ZKSCAN1: variants seen among roughly 807,000 people sequenced by gnomAD.
ZKSCAN1 encodes zinc finger with KRAB and SCAN domains 1, also known as zinc finger protein with KRAB and SCAN domains 1.
Under a neutral mutation model 51.6 loss-of-function variants are expected in ZKSCAN1, and 14 were observed. That is an observed-to-expected ratio of 0.27 (90% CI 0.18 to 0.42). The LOEUF (loss-of-function observed/expected upper bound fraction) is 0.42, where lower values mean the gene tolerates loss of function less well. ZKSCAN1 is among the 10% of genes least tolerant of loss of function. The probability of loss-of-function intolerance (pLI) is 1.00; values close to 1 mark genes in which losing one functional copy is unlikely to be tolerated. For missense variants in ZKSCAN1, 531 were observed against 710.0 expected (o/e 0.75, Z 2.86); for synonymous variants, 263 against 261.5 (o/e 1.01, Z -0.06).
chr7:100,034,038 C>T lies in ZKSCAN1; in HGVS notation c.1533C>T (p.His511=). 1 of 1,614,214 alleles carries T rather than the reference C, an allele frequency of 6.2e-7. No homozygotes were observed. The highest frequency in any genetic ancestry group is 8.5e-7 in the Non-Finnish European group (1 of 1,180,044). ...NSYLILHRRI[H]TREKPYKCTK... is the part of the protein sequence containing the mutation. ...ACCTGATTTTGCATCGGAGAATTCACACTCGAGAAAAGCCCTACAAGTGCA... is the reference window on the plus strand; with the variant it reads ...ACCTGATTTTGCATCGGAGAATTCATACTCGAGAAAAGCCCTACAAGTGCA... Residue 511 remains histidine (H), a synonymous_variant, in exon 6 of 6, where the codon CAC becomes CAT. Transcript: ENST00000324306.
At position 100,029,851 on chromosome 7, in the gene ZKSCAN1, CCT is replaced by C; in HGVS notation, c.581-8_581-7del. 1 of 1,613,614 alleles carries C rather than the reference CCT, an allele frequency of 6.2e-7. No individual in the cohort carries two copies. The highest frequency in any genetic ancestry group is 8.5e-7 in the Non-Finnish European group (1 of 1,179,678). On this transcript the variant is annotated splice_region_variant and splice_polypyrimidine_tract_variant and intron_variant, in intron 3 of 5. Coordinates refer to ENST00000324306, the MANE Select transcript of ZKSCAN1 (RefSeq NM_003439.4). Reference sequence around the variant, plus strand: ...GCTGATTTACTCACAGACCCTTTCTCCTCCCCCAGCTCTTCCTGCTGCCCACA... The same window carrying C: ...GCTGATTTACTCACAGACCCTTTCTCCCCCCAGCTCTTCCTGCTGCCCACA...
chr7:100,035,320 C>G lies in ZKSCAN1; in HGVS notation c.*1123C>G, dbSNP rs1791308429. 1 of 152,336 alleles carries G rather than the reference C, an allele frequency of 6.6e-6. No homozygotes were observed. Among genetic ancestry groups the G allele is most frequent in the South Asian group, 2.1e-4 (1 of 4,828 alleles). 9.4% of individuals were successfully genotyped at this position (152,336 alleles called of 1,614,324 possible). ...TAAACGAAAGGCACTAGTCAGCCGC[C>G]TGCATAGACTTTCTAAACAGTGAGT... On this transcript the variant is annotated 3_prime_UTR_variant, in exon 6 of 6. Transcript: ENST00000324306.
rs187938884 is a variant in ZKSCAN1, at chr7:100,025,283, C to G, written c.580+976C>G. Among the ~76,000 whole-genome samples the G allele has an allele frequency of 9.4e-4, 140 of 148,656 alleles. 1 individual carries two copies. The highest frequency in any genetic ancestry group is 3.2e-3 in the African/African-American group (130 of 40,434). The stretch of plus-strand genomic sequence containing the variant: ...TATTTAAAATATATAAAAATAATCA[C>G]TGCACTGCAGCCTGGGTGACAGAGA... On this transcript the variant is annotated intron_variant, in intron 3 of 5. Transcript: ENST00000324306.
At chr7:100,017,486 G>T (rs1355062862) in intron 1 of ZKSCAN1, among the ~76,000 whole-genome samples, 1 of 152,226 alleles carries the variant, frequency 6.6e-6, no homozygotes, top group Non-Finnish European at 1.5e-5. Flanking sequence ...GCCTCCCAAA[G>T]TGCTGGGATT....
chr7:100,032,326 G>C (rs1791141446), intron 5 of ZKSCAN1, among the ~76,000 whole-genome samples: 1 of 152,180 alleles, frequency 6.6e-6, no homozygotes, highest in African/African-American at 2.4e-5. Context: ...GACCTCTGAA[G>C]GCTCCTGCTT....
rs1790322805 is a variant in ZKSCAN1 at position 100,015,602 on chromosome 7, CATT to C, written c.-212_-210del. ...TGACACGCTTCCGGCCTTTGTGACTCATTGTGTCTGTGTCGAGGCGTCGGGAGG... is the reference window on the plus strand; with the variant it reads ...TGACACGCTTCCGGCCTTTGTGACTCGTGTCTGTGTCGAGGCGTCGGGAGG... On this transcript the variant is annotated 5_prime_UTR_variant, in exon 1 of 6. Transcript: ENST00000324306. The C allele has an allele frequency of 6.6e-6, 1 of 152,278 alleles. No homozygotes were observed. The highest frequency in any genetic ancestry group is 1.5e-5 in the Non-Finnish European group (1 of 68,086). The allele number at this position is 152,278 out of a possible 1,614,324, so 9.4% of individuals were successfully genotyped here. A position where few individuals can be genotyped will look rare whatever the true frequency, so the allele number is the denominator to read the frequency against.
chr7:100,039,297 G>A lies in ZKSCAN1; in HGVS notation c.*5100G>A, dbSNP rs1272243925. On this transcript the variant is annotated 3_prime_UTR_variant, in exon 6 of 6. Transcript: ENST00000324306. ...ACTGCACTCCAGCCTGGGTAACAGA[G>A]ACTCTGTCTCAAAAAAAGAAAAAAA... 1 of 975,102 alleles carries A rather than the reference G, an allele frequency of 1.0e-6. No homozygotes were observed. Among genetic ancestry groups the A allele is most frequent in the African/African-American group, 1.9e-5 (1 of 53,458 alleles). 60.4% of individuals were successfully genotyped at this position (975,102 alleles called of 1,614,324 possible).
At position 100,017,227 on chromosome 7, in the gene ZKSCAN1, A is replaced by G. The variant is rs560043050; in HGVS notation, c.-89+1501A>G. ...CAAAGGGCAATTTATTTAAAAAAAA[A>G]TTTTTTTTTTTTTGAGACAGAGTCT... On this transcript the variant is annotated intron_variant, in intron 1 of 5. Transcript: ENST00000324306. Among the ~76,000 whole-genome samples the G allele has an allele frequency of 3.0e-4, 45 of 148,528 alleles. No individual in the cohort carries two copies. The East Asian group carries it at 8.4e-3, about 28-fold the overall frequency.
At chr7:100,018,685 C>T (rs542861692) in intron 1 of ZKSCAN1, among the ~76,000 whole-genome samples, 20 of 152,252 alleles carry the variant, frequency 1.3e-4, no homozygotes, top group East Asian at 3.9e-4. Flanking sequence ...CTGCGCCCGG[C>T]GCATCATGAG....
chr7:100,018,593 T>C (rs892805016), intron 1 of ZKSCAN1, among the ~76,000 whole-genome samples: 1 of 152,118 alleles, frequency 6.6e-6, no homozygotes, highest in African/African-American at 2.4e-5. Flanking sequence ...TTTCATCGTG[T>C]TACCAGGATG....
At chr7:100,022,497 C>T (rs997388712) in intron 1 of ZKSCAN1, among the ~76,000 whole-genome samples, 1 of 152,242 alleles carries the variant, frequency 6.6e-6, no homozygotes, top group Non-Finnish European at 1.5e-5. Context: ...CTTAATTTCT[C>T]TCTCTTTTAA....
chr7:100,042,428 T>C (rs933007888), downstream of ZKSCAN1, among the ~76,000 whole-genome samples: 2 of 151,860 alleles, frequency 1.3e-5, no homozygotes, highest in African/African-American at 4.8e-5. Flanking sequence ...CAATGTGGGA[T>C]TTTTTTTCAT....
rs1791572335 is a variant in ZKSCAN1, at chr7:100,041,016, T to C, written c.*6819T>C. The C allele has an allele frequency of 3.0e-6, 3 of 984,680 alleles. No individual in the cohort carries two copies. Among genetic ancestry groups the C allele is most frequent in the South Asian group, 9.4e-5 (2 of 21,288 alleles). The allele number at this position is 984,680 out of a possible 1,614,324, so 61.0% of individuals were successfully genotyped here. ...AGCCAAGCAAAATCAGTAATTATTT[T>C]AAAATGAACATATGTATTTTTATTA... On this transcript the variant is annotated 3_prime_UTR_variant, in exon 6 of 6. Transcript: ENST00000324306.
chr7:100,039,392 A>G lies in ZKSCAN1; in HGVS notation c.*5195A>G. The G allele has an allele frequency of 5.1e-6, 5 of 985,402 alleles. No homozygotes were observed. The highest frequency in any genetic ancestry group is 6.0e-6 in the Non-Finnish European group (5 of 829,944). The allele number at this position is 985,402 out of a possible 1,614,324, so 61.0% of individuals were successfully genotyped here. On this transcript the variant is annotated 3_prime_UTR_variant, in exon 6 of 6. Transcript: ENST00000324306. Reference sequence around the variant, plus strand: ...GTGGGCATTTCCCGGAATTGTGTGCAGATGCATCCAGTCGTGGCATTGCAA... The same window carrying G: ...GTGGGCATTTCCCGGAATTGTGTGCGGATGCATCCAGTCGTGGCATTGCAA...
downstream of ZKSCAN1, chr7:100,044,991 T>C (rs1207879870): frequency 1.0e-6 from 1 of 985,024 alleles, no homozygotes; most frequent in East Asian, 1.1e-4. Context: ...TGCACCTTTT[T>C]AGAGAGAACC....
chr7:100,023,400 CT>C lies in ZKSCAN1; in HGVS notation c.-88-10del, dbSNP rs200683439. ...TTTTTGTAAAGGTACGTACTAATGA[CT>C]TTTTTTTTATACTTCAGGAATAGTA... On this transcript the variant is annotated intron_variant, in intron 1 of 5. Transcript: ENST00000324306. The C allele has an allele frequency of 1.0e-3, 1,294 of 1,297,038 alleles. No individual in the cohort carries two copies. Among genetic ancestry groups the C allele is most frequent in the Non-Finnish European group, 1.2e-3 (1,093 of 949,084 alleles). The allele number at this position is 1,297,038 out of a possible 1,614,324, so 80.3% of individuals were successfully genotyped here.
intron 1 of ZKSCAN1, among the ~76,000 whole-genome samples, chr7:100,022,836 C>G (rs139541563): frequency 2.9e-4 from 44 of 152,318 alleles, no homozygotes; most frequent in African/African-American, 1.0e-3. Context: ...ATTCAGCTCT[C>G]TGGGCTGGGC....
intron 1 of ZKSCAN1, chr7:100,016,724 A>G (rs1474730863): frequency 1.3e-5 from 2 of 152,140 alleles, no homozygotes; most frequent in Non-Finnish European, 1.5e-5. Flanking sequence ...TGGCTGTTCC[A>G]TGGCCTGGGA....
downstream of ZKSCAN1, among the ~76,000 whole-genome samples, chr7:100,043,662 A>C (rs1444268699): frequency 6.6e-6 from 1 of 151,678 alleles, no homozygotes; most frequent in Non-Finnish European, 1.5e-5. Context: ...TTCATGAGCC[A>C]CCATGCAAGG....
Sources: allele counts gnomAD v4.1 joint callset (sites outside exome capture counted in the v4.1 genomes callset), GRCh38; gene constraint gnomAD v4.1.1; transcripts MANE v1.5; gene names NCBI Gene and HGNC (gene_info 2026-07-23, HGNC 2026-07-21).